ERCC2: variants seen among roughly 807,000 people sequenced by gnomAD.
The protein encoded by ERCC2 is ERCC excision repair 2, TFIIH core complex helicase subunit.
ERCC2 carries 90 observed loss-of-function variants against 99.4 expected under a neutral mutation model. That is an observed-to-expected ratio of 0.91 (90% CI 0.76 to 1.08). The LOEUF (loss-of-function observed/expected upper bound fraction) is 1.08, where lower values mean the gene tolerates loss of function less well. Among genes scored for constraint, ERCC2 ranks in the 50% least tolerant of loss-of-function variants. The pLI is 0.00. For synonymous variants in ERCC2, 497 were observed against 432.4 expected (o/e 1.15, Z -1.85); for missense variants, 993 against 1,038.1 (o/e 0.96, Z 0.60).
intron 12 of ERCC2, chr19:45,358,657 G>A (rs1568537367): frequency 1.6e-6 from 1 of 614,074 alleles, no homozygotes; most frequent in Non-Finnish European, 2.9e-6. Context: ...ACCTCCCAAG[G>A]CTGCTCCATT....
chr19:45,362,452 T>C (rs1972257744), intron 11 of ERCC2, among the ~76,000 whole-genome samples: 1 of 152,028 alleles, frequency 6.6e-6, no homozygotes, highest in South Asian at 2.1e-4. Context: ...GTCCACACAC[T>C]CACGCATGTG....
Position 45,364,045 on chromosome 19 carries a change from G to T in ERCC2, c.890C>A (p.Ala297Asp). Residue 297 changes from alanine to aspartate, a missense_variant, in exon 10 of 23, where the codon GCC becomes GAC. Around this residue, in one of 3 missense-constraint regions of ERCC2, gnomAD observed 909 missense variants for 930.8 expected, o/e 0.98. Transcript: ENST00000391945. ...RLVEGLREAS[A>D]ARETDAHLAN... ...CAGGTGGGCGTCCGTCTCCCGGGCG[G>T]CGCTGGCCTCCCGCAGCCCCTCCAC... 1 of 1,566,708 alleles carries T rather than the reference G, an allele frequency of 6.4e-7. No individual in the cohort carries two copies. Among genetic ancestry groups the T allele is most frequent in the East Asian group, 2.4e-5 (1 of 42,184 alleles).
chr19:45,352,772 C>A lies in ERCC2; in HGVS notation c.1876G>T (p.Val626Phe). ...TTGAGAATGCGGCTCTGTGTGTAGACGTAGGGGACGCCAAACATGATGACG... is the reference window on the plus strand; with the variant it reads ...TTGAGAATGCGGCTCTGTGTGTAGAAGTAGGGGACGCCAAACATGATGACG... ...RAVIMFGVPY[V>F]YTQSRILKAR... Residue 626 changes from valine (V) to phenylalanine (F), a missense_variant, in exon 20 of 23, where the codon GTC (valine) becomes TTC (phenylalanine). This residue lies in a region of ERCC2 where 909 missense variants were observed against 930.8 expected (regional missense o/e 0.98). Transcript: ENST00000391945. The A allele has an allele frequency of 6.2e-7, 1 of 1,603,062 alleles. No individual in the cohort carries two copies. Among genetic ancestry groups the A allele is most frequent in the Non-Finnish European group, 8.5e-7 (1 of 1,175,244 alleles).
At position 45,353,061 on chromosome 19, in the gene ERCC2, AGG is replaced by A; in HGVS notation, c.1831+20_1831+21del. The A allele has an allele frequency of 6.2e-7, 1 of 1,608,532 alleles. No homozygotes were observed. The highest frequency in any genetic ancestry group is 2.2e-5 in the East Asian group (1 of 44,832). ...GAGAGCTCTGGGAAGACACCTGGGG[AGG>A]AAGAGCCCAGTCCACTCACCAAAGT... On this transcript the variant is annotated intron_variant, in intron 19 of 22. Transcript: ENST00000391945.
At chr19:45,360,799 A>G (rs578025444) in intron 12 of ERCC2, among the ~76,000 whole-genome samples, 128 of 151,176 alleles carry the variant, frequency 8.5e-4, no homozygotes, top group African/African-American at 2.4e-3. Flanking sequence ...GATTACAGGC[A>G]TGAGCCACTG....
rs774480587 is a variant in ERCC2 at position 45,351,671 on chromosome 19, C to G, written c.2241G>C (p.Glu747Asp). The G allele has an allele frequency of 1.9e-5, 30 of 1,613,940 alleles. No individual in the cohort carries two copies. Among genetic ancestry groups the G allele is most frequent in the African/African-American group, 2.7e-5 (2 of 74,934 alleles). ...TCTGCTCTATCCTCTTCAGCGTCTC[C>G]TCTGATTCTAGCTGCTCCAGGCTGA... ...SLLSLEQLES[E>D]ETLKRIEQIA... Residue 747 changes from glutamate (E) to aspartate (D), a missense_variant, in exon 23 of 23, where the codon GAG becomes GAC. By Grantham distance (45) the Glu-to-Asp change is conservative (BLOSUM62 2). Around this residue, in one of 3 missense-constraint regions of ERCC2, gnomAD observed 909 missense variants for 930.8 expected, o/e 0.98. Coordinates refer to ENST00000391945, the MANE Select transcript of ERCC2 (RefSeq NM_000400.4).
At chr19:45,363,279 T>C (rs926061339) in intron 11 of ERCC2, among the ~76,000 whole-genome samples, 2 of 152,034 alleles carry the variant, frequency 1.3e-5, no homozygotes, top group South Asian at 2.1e-4. Flanking sequence ...GGAAGATACA[T>C]GGGCCGGGGA....
rs777946831 is a variant in ERCC2 at position 45,350,380 on chromosome 19, G to A, written c.*1249C>T. 6.8e-6 allele frequency: 11 copies of A among 1,613,560 alleles called. No individual in the cohort carries two copies. The East Asian group carries it at 2.2e-4, about 33-fold the overall frequency. ...GAAACAGAACAAGTATCAACAAGCG[G>A]AAGAGCTGTACAAAGAAATCCTCCA... On this transcript the variant is annotated 3_prime_UTR_variant, in exon 23 of 23. Coordinates refer to ENST00000391945, the MANE Select transcript of ERCC2 (RefSeq NM_000400.4).
Position 45,350,991 on chromosome 19 carries a change from G to T in ERCC2, c.*638C>A, listed in dbSNP as rs1391316277. 5 of 1,614,166 alleles carry T rather than the reference G, an allele frequency of 3.1e-6. No individual in the cohort carries two copies. Among genetic ancestry groups the T allele is most frequent in the Non-Finnish European group, 3.4e-6 (4 of 1,180,028 alleles). ...CATGTCACTCAACACACTGAACGTGGATGCTCCAAGGGCTCCTGGGACTCA... is the reference window on the plus strand; with the variant it reads ...CATGTCACTCAACACACTGAACGTGTATGCTCCAAGGGCTCCTGGGACTCA... On this transcript the variant is annotated 3_prime_UTR_variant, in exon 23 of 23. Transcript: ENST00000391945.
chr19:45,356,296 GAA>G (rs962210642), intron 15 of ERCC2, among the ~76,000 whole-genome samples: 4 of 152,188 alleles, frequency 2.6e-5, no homozygotes, highest in African/African-American at 9.7e-5. Flanking sequence ...CAAAAGCTCT[GAA>G]CACATTTCTT....
At chr19:45,354,612 C>G in intron 17 of ERCC2, 118 bp downstream of exon 17, 2 of 1,360,728 alleles carry the variant, frequency 1.5e-6, no homozygotes, top group East Asian at 2.3e-5. Flanking sequence ...GCTGCACACA[C>G]TCTCCTGTCA....
Position 45,352,829 on chromosome 19 carries a change from G to T in ERCC2, c.1832-13C>A. 1.9e-6 allele frequency: 3 copies of T among 1,613,358 alleles called. No individual in the cohort carries two copies. Among genetic ancestry groups the T allele is most frequent in the Non-Finnish European group, 2.5e-6 (3 of 1,179,590 alleles). On this transcript the variant is annotated splice_polypyrimidine_tract_variant and intron_variant, in intron 19 of 22. Transcript: ENST00000391945. ...CCGTAGTGGTGCACTGGTGGGCAGAGGAGAGGGGGCGAGGGGGGTTACAAG... is the reference window on the plus strand; with the variant it reads ...CCGTAGTGGTGCACTGGTGGGCAGATGAGAGGGGGCGAGGGGGGTTACAAG...
intron 17 of ERCC2, among the ~76,000 whole-genome samples, chr19:45,354,506 G>C (rs1195403789): frequency 6.6e-6 from 1 of 152,204 alleles, no homozygotes; most frequent in Admixed American, 6.5e-5. Context: ...CTCCTCTGAG[G>C]GAGGGGCCCA....
intron 15 of ERCC2, among the ~76,000 whole-genome samples, chr19:45,357,027 T>C (rs1453032326): frequency 6.6e-6 from 1 of 152,192 alleles, no homozygotes; most frequent in Non-Finnish European, 1.5e-5. Context: ...GTTCTCTCTC[T>C]CAATCCTCTC....
intron 17 of ERCC2, among the ~76,000 whole-genome samples, chr19:45,354,273 T>C (rs1022721552): frequency 6.6e-6 from 1 of 152,216 alleles, no homozygotes; most frequent in Non-Finnish European, 1.5e-5. Context: ...CGACCTCCTC[T>C]AGCTGCTTCC....
Position 45,354,780 on chromosome 19 carries a change from AGAAG to A in ERCC2, c.1611_1614del (p.Phe538SerfsTer170), listed in dbSNP as rs1450177088. 6.2e-7 allele frequency: 1 copy of A among 1,614,010 alleles called. No homozygotes were observed. The highest frequency in any genetic ancestry group is 8.5e-7 in the Non-Finnish European group (1 of 1,179,980). ...CTCTCCATGTACTGGTAGCTGGTGA[AGAAG>A]GCCACGATGCCATCAGGGACCACAG... On this transcript the variant is annotated frameshift_variant, in exon 17 of 23. Transcript: ENST00000391945. LOFTEE classifies it high-confidence loss of function.
intron 2 of ERCC2, 119 bp downstream of exon 2, chr19:45,370,014 G>T: frequency 1.2e-6 from 1 of 860,786 alleles, no homozygotes; most frequent in Non-Finnish European, 1.9e-6. Flanking sequence ...AAGATTATGG[G>T]GTCCTGGATT....
chr19:45,355,094 C>T (rs901886169), intron 16 of ERCC2, among the ~76,000 whole-genome samples: 12 of 152,220 alleles, frequency 7.9e-5, no homozygotes, highest in African/African-American at 2.2e-4. Context: ...CTGTGGCTCA[C>T]GCCTGTAATC....
rs748551393 is a variant in ERCC2, at chr19:45,370,565, G to A, written c.-25C>T. On this transcript the variant is annotated 5_prime_UTR_variant, in exon 1 of 23. Coordinates refer to ENST00000391945, the MANE Select transcript of ERCC2 (RefSeq NM_000400.4). ...TGGCGCCGGCCGGACTGTGCAGCGG[G>A]GTCGACCCGCCTCCCTCATGAATAT... The A allele has an allele frequency of 5.0e-6, 8 of 1,591,072 alleles. No individual in the cohort carries two copies. The East Asian group carries it at 1.4e-4, about 27-fold the overall frequency.
Sources: gnomAD v4.1 joint callset for allele counts (sites outside exome capture counted in the v4.1 genomes callset) on GRCh38, gnomAD v4.1.1 for gene constraint, gnomAD v4.1.1 regional missense constraint, MANE v1.5 for transcripts, NCBI Gene and HGNC (gene_info 2026-07-23, HGNC 2026-07-21) for gene names.